GRIN2B: variants seen among roughly 807,000 people sequenced by gnomAD.
The protein encoded by GRIN2B is glutamate receptor ionotropic, NMDA 2B.
In GRIN2B, 5 loss-of-function variants were observed where a neutral mutation model predicts 114.5. The observed-to-expected ratio is 0.04, with a 90% CI of 0.02 to 0.09. The LOEUF (loss-of-function observed/expected upper bound fraction) is 0.09, where lower values mean the gene tolerates loss of function less well. Among genes scored for constraint, GRIN2B ranks in the 10% least tolerant of loss-of-function variants. GRIN2B has a pLI of 1.00. For synonymous variants in GRIN2B, 787 were observed against 745.1 expected (o/e 1.06, Z -0.92); for missense variants, 1,108 against 1,943.5 (o/e 0.57, Z 8.08).
rs1322693933 is a variant in GRIN2B at position 13,549,206 on chromosome 12, C to A, written c.*13577G>T. 1 of 152,114 alleles carries A rather than the reference C, an allele frequency of 6.6e-6. No individual in the cohort carries two copies. The highest frequency in any genetic ancestry group is 1.5e-5 in the Non-Finnish European group (1 of 68,002). 9.4% of individuals were successfully genotyped at this position (152,114 alleles called of 1,614,324 possible). ...TGTAAGAGAAGGTTGTTGCAAGATT[C>A]TCTGATCTGCGGGTGCTTAATAAAT... On this transcript the variant is annotated 3_prime_UTR_variant, in exon 14 of 14. Coordinates refer to ENST00000609686, the MANE Select transcript of GRIN2B (RefSeq NM_000834.5).
At chr12:13,819,389 AGAACCAAAACAAGGTT>A (rs55992641) in intron 3 of GRIN2B, among the ~76,000 whole-genome samples, 62,638 of 152,024 alleles carry the variant, frequency 0.41, 13,436 homozygotes, top group East Asian at 0.55. Context: ...CCTCCAGCTG[AGAACCAAAACAAGGTT>A]CTATGCATCT....
intron 3 of GRIN2B, among the ~76,000 whole-genome samples, chr12:13,767,832 A>G (rs1162983861): frequency 6.6e-6 from 1 of 152,170 alleles, no homozygotes; most frequent in Non-Finnish European, 1.5e-5. Context: ...TCCCCAAAAG[A>G]CCTCTCATCA....
At chr12:13,700,638 C>T (rs1394312670) in intron 4 of GRIN2B, among the ~76,000 whole-genome samples, 1 of 152,116 alleles carries the variant, frequency 6.6e-6, no homozygotes, top group Non-Finnish European at 1.5e-5. Flanking sequence ...ACAGCTAGTA[C>T]CAGTCTACCA....
chr12:13,821,274 C>T (rs1864931222), intron 3 of GRIN2B, among the ~76,000 whole-genome samples: 1 of 152,202 alleles, frequency 6.6e-6, no homozygotes, highest in Non-Finnish European at 1.5e-5. Context: ...CAGTCATCCT[C>T]ATCCTCTGAA....
In GRIN2B at chr12:13,697,600, T is replaced by A. The variant is rs551231783; in HGVS notation, c.1011-21741A>T. Among the ~76,000 whole-genome samples, 13 of 152,300 alleles carry A rather than the reference T, an allele frequency of 8.5e-5. No individual in the cohort carries two copies. The South Asian group carries it at 2.7e-3, about 32-fold the overall frequency. On this transcript the variant is annotated intron_variant, in intron 4 of 13. Coordinates refer to ENST00000609686, the MANE Select transcript of GRIN2B (RefSeq NM_000834.5). ...CTCAGCAAAGAGGCTCTACTCCATG[T>A]TCCTCATCCCAAACATTTTGTCCAA...
At chr12:13,846,205 G>T (rs1017457487) in intron 3 of GRIN2B, among the ~76,000 whole-genome samples, 28 of 151,514 alleles carry the variant, frequency 1.8e-4, no homozygotes, top group African/African-American at 6.8e-4. Flanking sequence ...TTTAGTTTAG[G>T]CTCTTTCCAC....
At chr12:13,909,226 A>G (rs367859036) in intron 2 of GRIN2B, among the ~76,000 whole-genome samples, 1 of 152,248 alleles carries the variant, frequency 6.6e-6, no homozygotes, top group South Asian at 2.1e-4. Context: ...ACTACTGCTT[A>G]CATGTATAGA....
chr12:13,626,556 A>T (rs1591648573), intron 5 of GRIN2B, among the ~76,000 whole-genome samples: 1 of 152,184 alleles, frequency 6.6e-6, no homozygotes, highest in East Asian at 1.9e-4. Flanking sequence ...CAAGGTCTTC[A>T]TTAGTACTCA....
At chr12:13,607,409 AATATATAATATATATTATATATAAT>A (rs1949292681) in intron 10 of GRIN2B, among the ~76,000 whole-genome samples, 1 of 59,560 alleles carries the variant, frequency 1.7e-5, no homozygotes, top group African/African-American at 1.2e-4. Flanking sequence ...TAATATATAA[AATATATAATATATATTATATATAAT>A]ATATATTATA....
At chr12:13,874,850 A>C (rs1317291667) in intron 2 of GRIN2B, among the ~76,000 whole-genome samples, 1 of 152,204 alleles carries the variant, frequency 6.6e-6, no homozygotes, top group Non-Finnish European at 1.5e-5. Context: ...GAAGGACTAC[A>C]GAGAGCAGGG....
chr12:13,580,226 G>A (rs988513485), intron 10 of GRIN2B, among the ~76,000 whole-genome samples: 6 of 152,178 alleles, frequency 3.9e-5, no homozygotes, highest in African/African-American at 1.4e-4. Flanking sequence ...ATAAATGAAA[G>A]CAGCTCTGTT....
chr12:13,744,705 C>T (rs1397399180), intron 4 of GRIN2B, among the ~76,000 whole-genome samples: 1 of 152,156 alleles, frequency 6.6e-6, no homozygotes, highest in African/African-American at 2.4e-5. Context: ...CAAGAGGGAA[C>T]AGATTTCAGC....
At position 13,552,319 on chromosome 12, in the gene GRIN2B, C is replaced by T. The variant is rs1017342542; in HGVS notation, c.*10464G>A. On this transcript the variant is annotated 3_prime_UTR_variant, in exon 14 of 14. Coordinates refer to ENST00000609686, the MANE Select transcript of GRIN2B (RefSeq NM_000834.5). ...TGCATTCAGGTTCCTCACTCATCTC[C>T]GCTTTGGTCCTTGCTCTTTCAAGTT... is the stretch of plus-strand genomic sequence containing the variant. The T allele has an allele frequency of 1.8e-4, 27 of 152,134 alleles. No individual in the cohort carries two copies. Among genetic ancestry groups the T allele is most frequent in the African/African-American group, 6.0e-4 (25 of 41,426 alleles). 9.4% of individuals were successfully genotyped at this position (152,134 alleles called of 1,614,324 possible).
intron 4 of GRIN2B, among the ~76,000 whole-genome samples, chr12:13,709,300 C>T (rs746259952): frequency 1.3e-5 from 2 of 152,084 alleles, no homozygotes; most frequent in South Asian, 2.1e-4. Context: ...AGAACCATAA[C>T]ATGTCGGCTT....
rs150070901 is a variant in GRIN2B, at chr12:13,866,019, C to A, written c.190G>T (p.Val64Leu). 2.5e-6 allele frequency: 4 copies of A among 1,613,962 alleles called. No individual in the cohort carries two copies. The highest frequency in any genetic ancestry group is 1.7e-5 in the Admixed American group (1 of 59,978). ...HEKDDFHHLS[V>L]VPRVELVAMN... ...GCTACCAGTTCCACCCGGGGTACCACGGAGAGATGGTGGAAATCATCTTTC... is the reference window on the plus strand; with the variant it reads ...GCTACCAGTTCCACCCGGGGTACCAAGGAGAGATGGTGGAAATCATCTTTC... Residue 64 changes from valine (V) to leucine (L), a missense_variant, in exon 3 of 14, where the codon GTG (valine) becomes TTG (leucine). Coordinates refer to ENST00000609686, the MANE Select transcript of GRIN2B (RefSeq NM_000834.5).
chr12:13,567,492 G>A (rs1948656465), intron 12 of GRIN2B, among the ~76,000 whole-genome samples: 1 of 152,176 alleles, frequency 6.6e-6, no homozygotes, highest in Non-Finnish European at 1.5e-5. Context: ...TTTCACATGA[G>A]TACCGCAGGC....
At chr12:13,799,136 G>A (rs1591738228) in intron 3 of GRIN2B, among the ~76,000 whole-genome samples, 2 of 152,252 alleles carry the variant, frequency 1.3e-5, no homozygotes, top group East Asian at 3.9e-4. Context: ...CTGTTCTGAG[G>A]CCTTTATTTT....
intron 4 of GRIN2B, among the ~76,000 whole-genome samples, chr12:13,733,950 G>A (rs999595557): frequency 6.6e-6 from 1 of 152,192 alleles, no homozygotes; most frequent in African/African-American, 2.4e-5. Flanking sequence ...AGGTAACACA[G>A]CAAATTAGTG....
chr12:13,920,010 A>G (rs1866795925), intron 2 of GRIN2B, among the ~76,000 whole-genome samples: 1 of 152,130 alleles, frequency 6.6e-6, no homozygotes, highest in South Asian at 2.1e-4. Flanking sequence ...TGTCTTCCCT[A>G]AAGAGCTTAT....
Sources: gnomAD v4.1 joint callset for allele counts (sites outside exome capture counted in the v4.1 genomes callset) on GRCh38, gnomAD v4.1.1 for gene constraint, MANE v1.5 for transcripts, NCBI Gene and HGNC (gene_info 2026-07-23, HGNC 2026-07-21) for gene names.